The following SLC4A4 variants were observed in gnomAD, a reference collection of about 807,000 sequenced individuals.
The protein encoded by SLC4A4 is solute carrier family 4 member 4, also known as electrogenic sodium bicarbonate cotransporter 1.
A neutral mutation model predicts 111.5 loss-of-function variants in SLC4A4; 27 were observed. The observed-to-expected ratio is 0.24, with a 90% CI of 0.18 to 0.33. The LOEUF (loss-of-function observed/expected upper bound fraction) is 0.33, where lower values mean the gene tolerates loss of function less well. SLC4A4 is among the 10% of genes least tolerant of loss of function. The pLI, the probability that SLC4A4 is intolerant of heterozygous loss-of-function variation, is 1.00. For missense variants in SLC4A4, 909 were observed against 1,315.5 expected, an observed-to-expected ratio of 0.69 and a Z score of 4.78; for synonymous variants, 443 against 463.4, an observed-to-expected ratio of 0.96 and a Z score of 0.57.
chr4:71,096,993 A>G (rs1742576331), intron 2 of SLC4A4, among the ~76,000 whole-genome samples: 1 of 152,232 alleles, frequency 6.6e-6, no homozygotes, highest in South Asian at 2.1e-4. Flanking sequence ...GACAAAATAC[A>G]TATAACATAA....
intron 3 of SLC4A4, among the ~76,000 whole-genome samples, chr4:71,296,644 A>G (rs1276283037): frequency 6.6e-6 from 1 of 152,214 alleles, no homozygotes; most frequent in Non-Finnish European, 1.5e-5. Context: ...TCTACTAACT[A>G]TATGTATTGT....
chr4:71,170,948 G>A (rs1744916749), intron 2 of SLC4A4, among the ~76,000 whole-genome samples: 2 of 152,174 alleles, frequency 1.3e-5, no homozygotes, highest in African/African-American at 4.8e-5. Flanking sequence ...ATGAGCAAGG[G>A]ACTGGGACCA....
chr4:71,180,645 A>G (rs1745258129), intron 2 of SLC4A4, among the ~76,000 whole-genome samples: 1 of 152,366 alleles, frequency 6.6e-6, no homozygotes, highest in South Asian at 2.1e-4. Context: ...CAAAACCACA[A>G]TGAGATACCA....
chr4:71,122,089 A>C (rs2148957111), intron 2 of SLC4A4, among the ~76,000 whole-genome samples: 1 of 152,172 alleles, frequency 6.6e-6, no homozygotes, highest in East Asian at 1.9e-4. Flanking sequence ...CATCAGAAGG[A>C]ACAAACTCCG....
intron 1 of SLC4A4, among the ~76,000 whole-genome samples, chr4:71,210,887 G>T (rs1163502291): frequency 6.6e-6 from 1 of 152,218 alleles, no homozygotes; most frequent in East Asian, 1.9e-4. Context: ...GTCCAGGAGA[G>T]CTGAACTGGA....
chr4:71,391,844 T>A (rs557629085), intron 6 of SLC4A4, among the ~76,000 whole-genome samples: 1 of 152,176 alleles, frequency 6.6e-6, no homozygotes, highest in African/African-American at 2.4e-5. Flanking sequence ...TAGCTTTGAG[T>A]GGATGAAACA....
Position 71,237,263 on chromosome 4 carries a change from G to A in SLC4A4, c.73+614G>A, listed in dbSNP as rs535081376. On this transcript the variant is annotated intron_variant, in intron 2 of 25. Transcript: ENST00000264485. Reference sequence around the variant, plus strand: ...TACCTGGTGCTATAATACTTTCAGCGGGCATTCCCTTTTCCTGTCTCCTGA... The same window carrying A: ...TACCTGGTGCTATAATACTTTCAGCAGGCATTCCCTTTTCCTGTCTCCTGA... Among the ~76,000 whole-genome samples the A allele has an allele frequency of 5.9e-5, 9 of 152,242 alleles. No homozygotes were observed. In the South Asian group the frequency reaches 1.5e-3, roughly 25 times the overall value.
At chr4:71,356,938 A>C in intron 5 of SLC4A4, 70 bp from the exon 6 acceptor site, 32 of 1,411,720 alleles carry the variant, frequency 2.3e-5, no homozygotes, top group Non-Finnish European at 3.1e-5. Context: ...ACATCCATAA[A>C]GTTAGAGTAA....
intron 1 of SLC4A4, among the ~76,000 whole-genome samples, chr4:71,217,031 A>C (rs1325537866): frequency 6.6e-6 from 1 of 152,194 alleles, no homozygotes; most frequent in African/African-American, 2.4e-5. Context: ...TCACTTTATA[A>C]AAATTCTTTA....
At chr4:71,335,347 G>A (rs1242422260) in intron 3 of SLC4A4, among the ~76,000 whole-genome samples, 4 of 152,166 alleles carry the variant, frequency 2.6e-5, no homozygotes, top group Non-Finnish European at 5.9e-5. Context: ...TAAACTTTTG[G>A]TAATGTGAAC....
chr4:71,340,054 A>C (rs1241073271), intron 4 of SLC4A4, among the ~76,000 whole-genome samples: 1 of 142,628 alleles, frequency 7.0e-6, no homozygotes, highest in Non-Finnish European at 1.6e-5. Flanking sequence ...CCATCTCTAC[A>C]AAAAAAAAAA....
intron 7 of SLC4A4, among the ~76,000 whole-genome samples, chr4:71,419,366 C>A (rs920081180): frequency 1.3e-5 from 2 of 152,248 alleles, no homozygotes; most frequent in African/African-American, 4.8e-5. Context: ...AGCTTCCCTG[C>A]TGCTTTGTTT....
intron 14 of SLC4A4, among the ~76,000 whole-genome samples, chr4:71,478,597 G>A (rs1382316136): frequency 2.6e-4 from 40 of 151,752 alleles, no homozygotes; most frequent in South Asian, 4.2e-4. Flanking sequence ...ATCACACACC[G>A]GGGTCTGTTA....
At chr4:71,559,449 A>G (rs560829876) in intron 22 of SLC4A4, among the ~76,000 whole-genome samples, 11 of 151,784 alleles carry the variant, frequency 7.2e-5, no homozygotes, top group Non-Finnish European at 7.4e-5. Context: ...TCTAACCTTC[A>G]ATTTCCTCAG....
chr4:71,194,711 T>C (rs1484240663), intron 1 of SLC4A4, among the ~76,000 whole-genome samples: 1 of 152,156 alleles, frequency 6.6e-6, no homozygotes. Flanking sequence ...ATTTTTAGCT[T>C]CTATAATTAG....
chr4:71,079,021 G>T (rs1357898220), intron 1 of SLC4A4, among the ~76,000 whole-genome samples: 1 of 152,124 alleles, frequency 6.6e-6, no homozygotes, highest in Non-Finnish European at 1.5e-5. Context: ...GTTTCACTAT[G>T]TTGGTCAGAC....
At chr4:71,518,166 C>G (rs141480740) in intron 16 of SLC4A4, among the ~76,000 whole-genome samples, 2 of 152,194 alleles carry the variant, frequency 1.3e-5, no homozygotes, top group African/African-American at 4.8e-5. Context: ...ATGCCTGAAG[C>G]CAAAGTGACT....
chr4:71,492,746 C>T (rs958435202), intron 15 of SLC4A4, among the ~76,000 whole-genome samples: 1 of 151,940 alleles, frequency 6.6e-6, no homozygotes, highest in Non-Finnish European at 1.5e-5. Flanking sequence ...CCTTTTGTTA[C>T]AGTTTTGCTG....
Position 71,568,068 on chromosome 4 carries a change from C to A in SLC4A4, c.*317C>A. ...ACAATCAAGACAATAGTGCACCGTT[C>A]CTTAAAAACAGCATCTGAGGAATCC... On this transcript the variant is annotated 3_prime_UTR_variant, in exon 26 of 26. Transcript: ENST00000264485. The A allele has an allele frequency of 1.9e-6, 1 of 516,264 alleles. No homozygotes were observed. The allele number at this position is 516,264 out of a possible 1,614,324, so 32.0% of individuals were successfully genotyped here. A position where few individuals can be genotyped will look rare whatever the true frequency, so the allele number is the denominator to read the frequency against.
Sources: gnomAD v4.1 joint callset for allele counts (sites outside exome capture counted in the v4.1 genomes callset) on GRCh38, gnomAD v4.1.1 for gene constraint, MANE v1.5 for transcripts, NCBI Gene and HGNC (gene_info 2026-07-23, HGNC 2026-07-21) for gene names.